Variants in PCSK2 observed in about 807,000 individuals in gnomAD.
The protein encoded by PCSK2 is proprotein convertase subtilisin/kexin type 2.
PCSK2 carries 14 observed loss-of-function variants against 69.7 expected under a neutral mutation model. The ratio of observed to expected loss-of-function variants is 0.20; its 90% CI spans 0.13 to 0.31. PCSK2 has a LOEUF of 0.31. Among genes scored for constraint, PCSK2 ranks in the 10% least tolerant of loss-of-function variants. PCSK2 has a pLI of 1.00. For missense variants in PCSK2, 544 were observed against 842.5 expected (o/e 0.65, Z 4.39); for synonymous variants, 307 against 320.7 (o/e 0.96, Z 0.46).
intron 1 of PCSK2, among the ~76,000 whole-genome samples, chr20:17,250,544 T>C (rs988276157): frequency 2.0e-5 from 3 of 152,174 alleles, no homozygotes; most frequent in Admixed American, 6.5e-5. Context: ...CACCTATTAA[T>C]TTTAGCATCT....
chr20:17,394,379 G>T (rs796332884), intron 5 of PCSK2, among the ~76,000 whole-genome samples: 104 of 152,314 alleles, frequency 6.8e-4, no homozygotes, highest in African/African-American at 2.3e-3. Flanking sequence ...GGAGAGAACT[G>T]GAGGGGATGG....
intron 8 of PCSK2, among the ~76,000 whole-genome samples, chr20:17,438,273 G>A (rs1162977709): frequency 6.6e-6 from 1 of 152,116 alleles, no homozygotes; most frequent in Non-Finnish European, 1.5e-5. Context: ...TTTAAGTTAT[G>A]TACAGTCTGT....
intron 1 of PCSK2, among the ~76,000 whole-genome samples, chr20:17,233,817 CATGTG>C (rs1986233071): frequency 6.6e-6 from 1 of 152,150 alleles, no homozygotes; most frequent in Non-Finnish European, 1.5e-5. Flanking sequence ...TAAGCGTGAT[CATGTG>C]ACAATTCTAG....
intron 5 of PCSK2, among the ~76,000 whole-genome samples, chr20:17,397,781 T>C (rs1014627660): frequency 6.6e-6 from 1 of 152,114 alleles, no homozygotes; most frequent in African/African-American, 2.4e-5. Context: ...CCGGCCAAAT[T>C]CAATAATATT....
At chr20:17,408,381 G>T (rs2031797591) in intron 5 of PCSK2, among the ~76,000 whole-genome samples, 1 of 151,442 alleles carries the variant, frequency 6.6e-6, no homozygotes, top group South Asian at 2.1e-4. Context: ...ACCAACTAAA[G>T]ACCTAAATGT....
intron 1 of PCSK2, among the ~76,000 whole-genome samples, chr20:17,248,863 GC>G (rs1370910239): frequency 6.6e-6 from 1 of 152,134 alleles, no homozygotes; most frequent in African/African-American, 2.4e-5. Flanking sequence ...TTACAAAGGG[GC>G]TGGGACGTAG....
At chr20:17,341,385 A>C (rs1305816562) in intron 2 of PCSK2, among the ~76,000 whole-genome samples, 2 of 152,196 alleles carry the variant, frequency 1.3e-5, no homozygotes, top group Non-Finnish European at 2.9e-5. Flanking sequence ...ACACACTTGA[A>C]AGTTGTGATT....
intron 1 of PCSK2, among the ~76,000 whole-genome samples, chr20:17,233,799 C>T (rs746673420): frequency 6.6e-6 from 1 of 152,124 alleles, no homozygotes; most frequent in Non-Finnish European, 1.5e-5. Flanking sequence ...CCCAGCCTGC[C>T]TTGTAAATAA....
In PCSK2 at chr20:17,456,459, AG is replaced by A; in HGVS notation, c.1202+12del. On this transcript the variant is annotated intron_variant, in intron 10 of 11. Transcript: ENST00000262545. ...GGCTCTGGAGGCTAAGTATGTTCAT[AG>A]CTCTGGGTCCAGGGCCAGCTCTGCA... 1 of 1,496,774 alleles carries A rather than the reference AG, an allele frequency of 6.7e-7. No individual in the cohort carries two copies. The highest frequency in any genetic ancestry group is 9.3e-7 in the Non-Finnish European group (1 of 1,073,498). 92.7% of individuals were successfully genotyped at this position (1,496,774 alleles called of 1,614,324 possible). A position where few individuals can be genotyped will look rare whatever the true frequency, so the allele number is the denominator to read the frequency against.
chr20:17,307,917 C>T (rs1203452217), intron 2 of PCSK2, among the ~76,000 whole-genome samples: 1 of 152,156 alleles, frequency 6.6e-6, no homozygotes, highest in Non-Finnish European at 1.5e-5. Context: ...AGCATAGTGG[C>T]TTCTGCTTCT....
At chr20:17,384,532 G>A (rs1221179342) in intron 5 of PCSK2, among the ~76,000 whole-genome samples, 4 of 152,058 alleles carry the variant, frequency 2.6e-5, no homozygotes, top group African/African-American at 4.8e-5. Context: ...AACCCAGGAG[G>A]TGGAGGTTGC....
At chr20:17,405,266 C>T (rs1297133670) in intron 5 of PCSK2, among the ~76,000 whole-genome samples, 1 of 152,188 alleles carries the variant, frequency 6.6e-6, no homozygotes, top group African/African-American at 2.4e-5. Flanking sequence ...TCTTCCTTCC[C>T]CTACATCAAG....
chr20:17,436,904 G>T, intron 8 of PCSK2, 21 bp downstream of exon 8: 7 of 1,573,348 alleles, frequency 4.4e-6, no homozygotes, highest in Non-Finnish European at 6.0e-6. Context: ...CGGCCCCCTA[G>T]GCCCCGGCCA....
intron 2 of PCSK2, among the ~76,000 whole-genome samples, chr20:17,277,166 G>A (rs1472724928): frequency 1.3e-5 from 2 of 152,122 alleles, no homozygotes; most frequent in Admixed American, 1.3e-4. Context: ...TAGATTCAAT[G>A]CCATCCCCAT....
chr20:17,311,701 T>C (rs1338916258), intron 2 of PCSK2, among the ~76,000 whole-genome samples: 1 of 152,150 alleles, frequency 6.6e-6, no homozygotes, highest in African/African-American at 2.4e-5. Flanking sequence ...GTACAGTACA[T>C]TTTTAGGAAG....
chr20:17,382,588 G>A (rs188696012), intron 5 of PCSK2, among the ~76,000 whole-genome samples: 3 of 151,994 alleles, frequency 2.0e-5, no homozygotes, highest in Admixed American at 2.0e-4. Flanking sequence ...TGCCAGTTCT[G>A]CTAGGCAATA....
chr20:17,226,861 CG>C (rs1220280226), upstream of PCSK2: 1 of 9,080 alleles, frequency 1.1e-4, no homozygotes, highest in African/African-American at 4.7e-4. Context: ...CGGGCCGGGC[CG>C]GGGGTGGGCG....
At chr20:17,272,754 A>G (rs756306272) in intron 2 of PCSK2, among the ~76,000 whole-genome samples, 8 of 152,134 alleles carry the variant, frequency 5.3e-5, no homozygotes, top group Non-Finnish European at 1.0e-4. Context: ...TAAAGCACCC[A>G]AAGTTCTGAA....
At chr20:17,417,147 C>A (rs1357648833) in intron 6 of PCSK2, among the ~76,000 whole-genome samples, 1 of 152,074 alleles carries the variant, frequency 6.6e-6, no homozygotes, top group Non-Finnish European at 1.5e-5. Flanking sequence ...ACGTTGTGCA[C>A]GTGTACCCTA....
Sources: gnomAD v4.1 joint callset for allele counts (sites outside exome capture counted in the v4.1 genomes callset) on GRCh38, gnomAD v4.1.1 for gene constraint, MANE v1.5 for transcripts, NCBI Gene and HGNC (gene_info 2026-07-23, HGNC 2026-07-21) for gene names.